Variants in EPS15 observed in about 807,000 individuals in gnomAD.
The protein encoded by EPS15 is epidermal growth factor receptor substrate 15.
In EPS15, 72 loss-of-function variants were observed where a neutral mutation model predicts 113.8. That is an observed-to-expected ratio of 0.63 (90% CI 0.52 to 0.77). The LOEUF (loss-of-function observed/expected upper bound fraction) is 0.77, where lower values mean the gene tolerates loss of function less well. EPS15 is among the 30% of genes least tolerant of loss of function. The pLI is 0.00. For synonymous variants in EPS15, 344 were observed against 363.4 expected, an observed-to-expected ratio of 0.95 and a Z score of 0.61; for missense variants, 1,048 against 1,045.8, an observed-to-expected ratio of 1.00 and a Z score of -0.03.
rs760330593 is a variant in EPS15 at position 51,440,435 on chromosome 1, A to G, written c.955-3T>C. The G allele has an allele frequency of 2.5e-4, 385 of 1,524,152 alleles. No individual in the cohort carries two copies. Among genetic ancestry groups the G allele is most frequent in the Non-Finnish European group, 3.3e-4 (368 of 1,115,670 alleles). 94.4% of individuals were successfully genotyped at this position (1,524,152 alleles called of 1,614,324 possible). ...ACAGGACTTGATCCTATGATGTTCT[A>G]AAAACAAAAAGTTCACAATTATACA... On this transcript the variant is annotated splice_region_variant and splice_polypyrimidine_tract_variant and intron_variant, in intron 11 of 24. Transcript: ENST00000371733.
chr1:51,439,186 T>A (rs946078272), intron 12 of EPS15, among the ~76,000 whole-genome samples: 4 of 152,046 alleles, frequency 2.6e-5, no homozygotes, highest in African/African-American at 9.7e-5. Flanking sequence ...ACTGATTATA[T>A]CATCTGAGCC....
In EPS15 at chr1:51,450,773, C is replaced by T. The variant is rs560256624; in HGVS notation, c.562-2638G>A. Among the ~76,000 whole-genome samples, 8 of 151,770 alleles carry T rather than the reference C, an allele frequency of 5.3e-5. No individual in the cohort carries two copies. In the South Asian group the frequency reaches 1.5e-3, roughly 28 times the overall value. ...GTATGAAAAAGATTAATTGCAGCAC[C>T]GTTTGTATCAGCACCCAAATGCCCA... On this transcript the variant is annotated intron_variant, in intron 8 of 24. Transcript: ENST00000371733.
chr1:51,514,364 GA>G, intron 1 of EPS15, among the ~76,000 whole-genome samples: 1 of 150,942 alleles, frequency 6.6e-6, no homozygotes, highest in East Asian at 1.9e-4. Flanking sequence ...CCAGAGTACT[GA>G]TTTTTTTTTT....
chr1:51,389,711 C>G (rs1320983873), intron 21 of EPS15, among the ~76,000 whole-genome samples: 1 of 152,240 alleles, frequency 6.6e-6, no homozygotes, highest in African/African-American at 2.4e-5. Context: ...AACTCTCATT[C>G]ACAATTGCTT....
At chr1:51,366,279 GCTGATCC>G (rs1646506290) in intron 21 of EPS15, among the ~76,000 whole-genome samples, 1 of 152,040 alleles carries the variant, frequency 6.6e-6, no homozygotes, top group Non-Finnish European at 1.5e-5. Flanking sequence ...TGTTGTCCAG[GCTGATCC>G]CAAACTCCTG....
chr1:51,501,090 A>T (rs1229294000), intron 1 of EPS15, among the ~76,000 whole-genome samples: 1 of 152,112 alleles, frequency 6.6e-6, no homozygotes, highest in East Asian at 1.9e-4. Context: ...AGTCTTTGTG[A>T]AAATTACATG....
At chr1:51,467,565 G>C (rs571570108) in intron 5 of EPS15, among the ~76,000 whole-genome samples, 1 of 152,278 alleles carries the variant, frequency 6.6e-6, no homozygotes, top group African/African-American at 2.4e-5. Context: ...AAAAGGTATA[G>C]AATTATGTGC....
intron 1 of EPS15, among the ~76,000 whole-genome samples, chr1:51,508,360 G>C (rs184302405): frequency 2.7e-4 from 41 of 149,546 alleles, no homozygotes; most frequent in African/African-American, 9.6e-4. Context: ...AAGAAAGAAA[G>C]AAAGAAAGAA....
intron 21 of EPS15, among the ~76,000 whole-genome samples, chr1:51,387,652 A>T (rs1266832557): frequency 6.6e-6 from 1 of 152,194 alleles, no homozygotes; most frequent in African/African-American, 2.4e-5. Context: ...AAAACAAAAA[A>T]AGGCAGGGGT....
intron 8 of EPS15, among the ~76,000 whole-genome samples, chr1:51,456,688 T>C (rs1654019598): frequency 6.6e-6 from 1 of 152,194 alleles, no homozygotes; most frequent in Non-Finnish European, 1.5e-5. Context: ...ATATCAGCTC[T>C]CAAAATTCAG....
Position 51,380,866 on chromosome 1 carries a change from A to G in EPS15, c.2119+13515T>C, listed in dbSNP as rs559194660. 3.3e-5 allele frequency among the ~76,000 whole-genome samples: 5 copies of G among 152,368 alleles called. No individual in the cohort carries two copies. In the South Asian group the frequency reaches 1.0e-3, roughly 32 times the overall value. ...ATGAAAAAAGATATTTCATGCAAAT[A>G]GAATATCAAGAAAGCAGAGATATCT... On this transcript the variant is annotated intron_variant, in intron 21 of 24. Coordinates refer to ENST00000371733, the MANE Select transcript of EPS15 (RefSeq NM_001981.3).
intron 21 of EPS15, among the ~76,000 whole-genome samples, chr1:51,388,631 G>A (rs965037559): frequency 6.6e-6 from 1 of 151,944 alleles, no homozygotes. Flanking sequence ...ACTGATAAAG[G>A]GGATATCACC....
Position 51,357,436 on chromosome 1 carries a change from TTTA to T in EPS15, c.2545-593_2545-591del, listed in dbSNP as rs1258898725. ...TATATATATATATATATTTTTTTTT[TTTA>T]AATGTGATATATATATATATATATC... On this transcript the variant is annotated intron_variant, in intron 24 of 24. Transcript: ENST00000371733. 1.2e-4 allele frequency among the ~76,000 whole-genome samples: 14 copies of T among 116,378 alleles called. 2 individuals carry two copies. Among genetic ancestry groups the T allele is most frequent in the African/African-American group, 5.9e-4 (14 of 23,598 alleles). The allele number at this position is 116,378 out of a possible 152,430, so 76.3% of individuals were successfully genotyped here. A position where few individuals can be genotyped will look rare whatever the true frequency, so the allele number is the denominator to read the frequency against.
intron 2 of EPS15, among the ~76,000 whole-genome samples, chr1:51,477,052 T>C (rs1643922011): frequency 6.6e-6 from 1 of 152,236 alleles, no homozygotes; most frequent in Non-Finnish European, 1.5e-5. Flanking sequence ...TTTGTACCTC[T>C]GGTAGAATTC....
chr1:51,422,760 T>C (rs1012449455), intron 12 of EPS15, among the ~76,000 whole-genome samples: 6 of 152,236 alleles, frequency 3.9e-5, no homozygotes, highest in African/African-American at 1.4e-4. Context: ...CACTTTCTTT[T>C]CTACAAAATG....
At chr1:51,487,545 T>C (rs760157581) in intron 1 of EPS15, among the ~76,000 whole-genome samples, 2 of 152,196 alleles carry the variant, frequency 1.3e-5, no homozygotes, top group Non-Finnish European at 2.9e-5. Context: ...TACTTAGTTA[T>C]GACAACAGTA....
Position 51,448,073 on chromosome 1 carries a change from G to A in EPS15, c.624C>T (p.Ala208=), listed in dbSNP as rs1373710808. Residue 208 remains alanine (A), a synonymous_variant, in exon 9 of 25, where the codon GCC becomes GCT. Transcript: ENST00000371733. ...TTTTTCTCTTAGATGGTGGCACCAAGGCTGGAGGCAAGGACATTGGCACAG... is the reference window on the plus strand; with the variant it reads ...TTTTTCTCTTAGATGGTGGCACCAAAGCTGGAGGCAAGGACATTGGCACAG... ...KEPVPMSLPP[A]LVPPSKRKTW... is the part of the protein sequence containing the mutation. 1.2e-6 allele frequency: 2 copies of A among 1,613,674 alleles called. No individual in the cohort carries two copies. The highest frequency in any genetic ancestry group is 1.7e-5 in the Admixed American group (1 of 59,978).
intron 11 of EPS15, among the ~76,000 whole-genome samples, chr1:51,440,687 G>A (rs537561671): frequency 3.0e-4 from 45 of 151,840 alleles, no homozygotes; most frequent in Admixed American, 4.6e-4. Context: ...CCCCACCTCC[G>A]ATCCGAATGT....
intron 21 of EPS15, among the ~76,000 whole-genome samples, chr1:51,386,326 A>G (rs1647072271): frequency 6.6e-6 from 1 of 152,230 alleles, no homozygotes; most frequent in Admixed American, 6.5e-5. Context: ...ATGAAAGAAG[A>G]AAAGTAGAGA....
Sources: allele counts gnomAD v4.1 joint callset (sites outside exome capture counted in the v4.1 genomes callset), GRCh38; gene constraint gnomAD v4.1.1; transcripts MANE v1.5; gene names NCBI Gene and HGNC (gene_info 2026-07-23, HGNC 2026-07-21).